The following FN1 variants were observed in gnomAD, a reference collection of about 807,000 sequenced individuals.
The protein encoded by FN1 is fibronectin 1, also known as fibronectin.
A neutral mutation model predicts 297.3 loss-of-function variants in FN1; 106 were observed. That is an observed-to-expected ratio of 0.36 (90% CI 0.30 to 0.42). The LOEUF is 0.42. Among genes scored for constraint, FN1 ranks in the 10% least tolerant of loss-of-function variants. The probability of loss-of-function intolerance (pLI) is 1.00; values close to 1 mark genes in which losing one functional copy is unlikely to be tolerated. For missense variants in FN1, 2,690 were observed against 3,124.9 expected (o/e 0.86, Z 3.32); for synonymous variants, 1,149 against 1,152.6 (o/e 1.00, Z 0.06).
chr2:215,393,056 A>G lies in FN1; in HGVS notation c.3944T>C (p.Phe1315Ser), dbSNP rs2059889279. The G allele has an allele frequency of 6.2e-7, 1 of 1,614,036 alleles. No homozygotes were observed. The highest frequency in any genetic ancestry group is 8.5e-7 in the Non-Finnish European group (1 of 1,180,018). The change falls in exon 25 of 46, where the codon TTT becomes TCT. Residue 1315 changes from phenylalanine to serine, a missense_variant. Transcript: ENST00000354785. The part of the protein sequence containing the change: ...AGEGIPIFED[F>S]VDSSVGYYTV... ...GTAGTATCCTACTGAGGAGTCCACA[A>G]AATCTTCAAAAATAGGGATACCTTC...
At chr2:215,435,351 C>T (rs1411191688) in intron 1 of FN1, among the ~76,000 whole-genome samples, 1 of 152,166 alleles carries the variant, frequency 6.6e-6, no homozygotes, top group East Asian at 1.9e-4. Context: ...TATAGACATG[C>T]ATCATTTTTC....
At chr2:215,428,408 A>G in intron 5 of FN1, 70 bp from the exon 6 acceptor site, 1 of 1,381,704 alleles carries the variant, frequency 7.2e-7, no homozygotes, top group South Asian at 1.2e-5. Context: ...AACTTAAAAA[A>G]GGAATGCTAT....
Position 215,384,544 on chromosome 2 carries a change from A to T in FN1, c.4729+316T>A, listed in dbSNP as rs987196126. On this transcript the variant is annotated intron_variant, in intron 29 of 45. Transcript: ENST00000354785. ...CATTCCTTTTAAATAAAATTTGGAA[A>T]ATACAGAAAAGTAAAGAGAAGAAAA... is the stretch of plus-strand genomic sequence containing the variant. 1.3e-4 allele frequency: 48 copies of T among 383,282 alleles called. No individual in the cohort carries two copies. The Admixed American group carries it at 2.0e-3, about 16-fold the overall frequency. The allele number at this position is 383,282 out of a possible 1,614,324, so 23.7% of individuals were successfully genotyped here. A position where few individuals can be genotyped will look rare whatever the true frequency, so the allele number is the denominator to read the frequency against.
chr2:215,373,297 C>T, intron 39 of FN1, 25 bp downstream of exon 39: 3 of 1,574,444 alleles, frequency 1.9e-6, no homozygotes, highest in Non-Finnish European at 2.6e-6. Flanking sequence ...TATCTTTCTC[C>T]TTGTTACCTG....
rs765340701 is a variant in FN1 at position 215,414,818 on chromosome 2, T to C, written c.1941+19A>G. 1 of 1,613,760 alleles carries C rather than the reference T, an allele frequency of 6.2e-7. No individual in the cohort carries two copies. Among genetic ancestry groups the C allele is most frequent in the African/African-American group, 1.3e-5 (1 of 75,046 alleles). On this transcript the variant is annotated intron_variant, in intron 13 of 45. Coordinates refer to ENST00000354785, the MANE Select transcript of FN1 (RefSeq NM_212482.4). ...GATTAGGAGACTCAGTATCCAAGGTTTCTGGGTGGGATACTCACAGGTCTC... is the reference window on the plus strand; with the variant it reads ...GATTAGGAGACTCAGTATCCAAGGTCTCTGGGTGGGATACTCACAGGTCTC...
At position 215,377,081 on chromosome 2, in the gene FN1, A is replaced by AGT. The variant is rs66762371; in HGVS notation, c.5711-409_5711-408dup. 8.0e-3 allele frequency among the ~76,000 whole-genome samples: 1,174 copies of AGT among 147,432 alleles called. 5 individuals carry two copies. The highest frequency in any genetic ancestry group is 0.011 in the Non-Finnish European group (754 of 66,366). On this transcript the variant is annotated intron_variant, in intron 35 of 45. Coordinates refer to ENST00000354785, the MANE Select transcript of FN1 (RefSeq NM_212482.4). The stretch of plus-strand genomic sequence containing the variant: ...GTATGTGTGTGTGAGAGAGAGAGAG[A>AGT]GTGTGTGTGTGTGTGTGTGTGTGTG...
chr2:215,371,037 A>G (rs1188544360), intron 40 of FN1, among the ~76,000 whole-genome samples: 1 of 152,210 alleles, frequency 6.6e-6, no homozygotes. Context: ...TGGGAGGCCA[A>G]GGCGGGCGGA....
At chr2:215,408,558 G>T (rs2062111537) in intron 15 of FN1, 132 bp from the exon 16 acceptor site, 1 of 825,166 alleles carries the variant, frequency 1.2e-6, no homozygotes, top group Non-Finnish European at 2.0e-6. Context: ...TGTGCTAATA[G>T]CTAATCAGTG....
intron 42 of FN1, chr2:215,367,619 A>G: frequency 1.9e-6 from 1 of 525,746 alleles, no homozygotes; most frequent in Non-Finnish European, 3.4e-6. Flanking sequence ...TTAGCACCAT[A>G]ATCTTATGTG....
chr2:215,389,380 GGC>G (rs2059427517), intron 26 of FN1, among the ~76,000 whole-genome samples: 1 of 152,072 alleles, frequency 6.6e-6, no homozygotes, highest in Admixed American at 6.5e-5. Context: ...TGGGATTACA[GGC>G]GTGAGCCACT....
Position 215,428,930 on chromosome 2 carries a change from G to A in FN1, c.686-592C>T, listed in dbSNP as rs545782186. On this transcript the variant is annotated intron_variant, in intron 5 of 45. Transcript: ENST00000354785. Reference sequence around the variant, plus strand: ...CTCGGGAAGCTGAGGCAAGAGAATCGCTTGAACCCGGGAGGTGGAGGTTGC... The same window carrying A: ...CTCGGGAAGCTGAGGCAAGAGAATCACTTGAACCCGGGAGGTGGAGGTTGC... Among the ~76,000 whole-genome samples, 167 of 152,164 alleles carry A rather than the reference G, an allele frequency of 1.1e-3. 1 individual carries two copies. The highest frequency in any genetic ancestry group is 3.3e-3 in the African/African-American group (137 of 41,508).
chr2:215,393,075 TACC>T lies in FN1; in HGVS notation c.3922_3924del (p.Gly1308del). ...TCCACAAAATCTTCAAAAATAGGGA[TACC>T]TTCTCCTGCCGCAACTACTGTGATG... On this transcript the variant is annotated inframe_deletion, in exon 25 of 46. Transcript: ENST00000354785. The T allele has an allele frequency of 6.2e-7, 1 of 1,614,052 alleles. No individual in the cohort carries two copies. Among genetic ancestry groups the T allele is most frequent in the Non-Finnish European group, 8.5e-7 (1 of 1,180,008 alleles).
chr2:215,423,223 A>ACATGAAGTT (rs1298710821), intron 9 of FN1, 127 bp downstream of exon 9: 1 of 837,050 alleles, frequency 1.2e-6, no homozygotes, highest in East Asian at 2.6e-5. Context: ...AACACACTTC[A>ACATGAAGTT]CATGAAGTTT....
rs1294425224 is a variant in FN1 at position 215,368,482 on chromosome 2, T to C, written c.6854-455A>G. On this transcript the variant is annotated intron_variant, in intron 41 of 45. Transcript: ENST00000354785. ...AAAAATATCTATACCTCCTGGGGAATCTTGTGAAGATTATATAAGGCCATG... is the reference window on the plus strand; with the variant it reads ...AAAAATATCTATACCTCCTGGGGAACCTTGTGAAGATTATATAAGGCCATG... Among the ~76,000 whole-genome samples, 7 of 152,274 alleles carry C rather than the reference T, an allele frequency of 4.6e-5. No homozygotes were observed. The South Asian group carries it at 1.0e-3, about 23-fold the overall frequency.
chr2:215,411,869 A>G (rs2062695417), intron 13 of FN1, among the ~76,000 whole-genome samples: 1 of 151,958 alleles, frequency 6.6e-6, no homozygotes, highest in South Asian at 2.1e-4. Context: ...GGGTTTCACC[A>G]TGTTGGCCAG....
At chr2:215,371,495 TACTC>T (rs1383825293) in intron 40 of FN1, among the ~76,000 whole-genome samples, 2 of 151,004 alleles carry the variant, frequency 1.3e-5, no homozygotes, top group African/African-American at 4.9e-5. Context: ...TCATCTATCT[TACTC>T]AAAAAGGAAC....
At position 215,391,644 on chromosome 2, in the gene FN1, C is replaced by T. The variant is rs767771909; in HGVS notation, c.4240G>A (p.Val1414Met). The T allele has an allele frequency of 6.2e-6, 10 of 1,613,182 alleles. No homozygotes were observed. The African/African-American group carries it at 1.1e-4, about 17-fold the overall frequency. The change falls in exon 26 of 46, where the codon GTG becomes ATG. Residue 1414 changes from valine (V) to methionine (M), a missense_variant. By Grantham distance (21) the Val-to-Met change is conservative (BLOSUM62 1). This residue lies in a region of FN1 where 1,743 missense variants were observed against 1,945.2 expected (regional missense o/e 0.90). Coordinates refer to ENST00000354785, the MANE Select transcript of FN1 (RefSeq NM_212482.4). ...ELSISPSDNA[V>M]VLTNLLPGTE... ...TTCAACTGCTTACTTGTTAAGACCACTGCATTGTCTGAAGGAGAAATTGAC... is the reference window on the plus strand; with the variant it reads ...TTCAACTGCTTACTTGTTAAGACCATTGCATTGTCTGAAGGAGAAATTGAC...
chr2:215,376,784 T>C lies in FN1; in HGVS notation c.5711-110A>G. 3.4e-6 allele frequency: 3 copies of C among 889,276 alleles called. No homozygotes were observed. In the South Asian group the frequency reaches 4.3e-5, roughly 13 times the overall value. 55.1% of individuals were successfully genotyped at this position (889,276 alleles called of 1,614,324 possible). Reference sequence around the variant, plus strand: ...TATCAAATTCATCCATTTCAAGAAATATATAACTAGTAATGTGTAGATTAT... The same window carrying C: ...TATCAAATTCATCCATTTCAAGAAACATATAACTAGTAATGTGTAGATTAT... On this transcript the variant is annotated intron_variant, in intron 35 of 45. Transcript: ENST00000354785.
At position 215,393,037 on chromosome 2, in the gene FN1, T is replaced by C. The variant is rs746233051; in HGVS notation, c.3963A>G (p.Gly1321=). 7.4e-6 allele frequency: 12 copies of C among 1,613,958 alleles called. No homozygotes were observed. Among genetic ancestry groups the C allele is most frequent in the Non-Finnish European group, 1.0e-5 (12 of 1,180,042 alleles). The change falls in exon 25 of 46, where the codon GGA becomes GGG. Residue 1321 remains glycine (G), a synonymous_variant. Coordinates refer to ENST00000354785, the MANE Select transcript of FN1 (RefSeq NM_212482.4). ...IFEDFVDSSV[G]YYTVTGLEPG... ...GCTCCAGCCCTGTGACTGTGTAGTATCCTACTGAGGAGTCCACAAAATCTT... is the reference window on the plus strand; with the variant it reads ...GCTCCAGCCCTGTGACTGTGTAGTACCCTACTGAGGAGTCCACAAAATCTT...
Sources: gnomAD v4.1 joint callset for allele counts (sites outside exome capture counted in the v4.1 genomes callset) on GRCh38, gnomAD v4.1.1 for gene constraint, gnomAD v4.1.1 regional missense constraint, MANE v1.5 for transcripts, NCBI Gene and HGNC (gene_info 2026-07-23, HGNC 2026-07-21) for gene names.